PDZRN4: variants seen among roughly 807,000 people sequenced by gnomAD.
PDZRN4 encodes the protein PDZ domain-containing RING finger protein 4.
In PDZRN4, 70 loss-of-function variants were observed where a neutral mutation model predicts 99.0. The observed-to-expected ratio is 0.71, with a 90% CI of 0.58 to 0.86. PDZRN4 has a LOEUF of 0.86. Among genes scored for constraint, PDZRN4 ranks in the 40% least tolerant of loss-of-function variants. PDZRN4 has a pLI of 0.00. For missense variants in PDZRN4, 1,474 were observed against 1,331.2 expected (o/e 1.11, Z -1.67); for synonymous variants, 551 against 501.6 (o/e 1.10, Z -1.32).
At chr12:41,552,513 T>TAA (rs11301675) in intron 5 of PDZRN4, 143 bp from the exon 6 acceptor site, 128 of 402,602 alleles carry the variant, frequency 3.2e-4, no homozygotes, top group East Asian at 1.3e-3. Context: ...ATAATATTGG[T>TAA]AAAAAAAAAA....
At chr12:41,557,866 C>T (rs1939195509) in intron 7 of PDZRN4, among the ~76,000 whole-genome samples, 1 of 152,154 alleles carries the variant, frequency 6.6e-6, no homozygotes, top group African/African-American at 2.4e-5. Flanking sequence ...CTATCATACA[C>T]AGGGGAATGA....
intron 3 of PDZRN4, among the ~76,000 whole-genome samples, chr12:41,200,159 C>G (rs1292928538): frequency 2.0e-5 from 3 of 152,220 alleles, no homozygotes; most frequent in East Asian, 3.9e-4. Context: ...AGTAGGGTAA[C>G]AGTAGAATCT....
chr12:41,291,097 C>T (rs975741656), intron 3 of PDZRN4, among the ~76,000 whole-genome samples: 3 of 151,940 alleles, frequency 2.0e-5, no homozygotes, highest in African/African-American at 7.3e-5. Context: ...AAAACACTTT[C>T]AAGATGTCTG....
At chr12:41,439,473 A>C (rs1051623440) in intron 3 of PDZRN4, among the ~76,000 whole-genome samples, 2 of 152,184 alleles carry the variant, frequency 1.3e-5, no homozygotes, top group African/African-American at 4.8e-5. Context: ...TTTATATAAA[A>C]GTATAATATG....
intron 3 of PDZRN4, among the ~76,000 whole-genome samples, chr12:41,321,530 C>A (rs1055720584): frequency 6.6e-6 from 1 of 152,104 alleles, no homozygotes; most frequent in African/African-American, 2.4e-5. Flanking sequence ...AAAAACTAAC[C>A]CAATATTATT....
intron 3 of PDZRN4, among the ~76,000 whole-genome samples, chr12:41,374,979 C>T (rs1294855329): frequency 6.6e-6 from 1 of 152,188 alleles, no homozygotes; most frequent in Non-Finnish European, 1.5e-5. Context: ...CTTTCTCTCT[C>T]TCTCTCTTCA....
chr12:41,270,311 GGT>G (rs376382425), intron 3 of PDZRN4, among the ~76,000 whole-genome samples: 2 of 145,088 alleles, frequency 1.4e-5, no homozygotes, highest in African/African-American at 2.7e-5. Context: ...CTGTGTGTGT[GGT>G]GTGTGTGTGT....
At chr12:41,292,368 G>T (rs1020306904) in intron 3 of PDZRN4, among the ~76,000 whole-genome samples, 1 of 152,216 alleles carries the variant, frequency 6.6e-6, no homozygotes, top group South Asian at 2.1e-4. Context: ...GAGAGCACAT[G>T]TGTGCAGGAA....
chr12:41,393,862 G>A (rs1323655411), intron 3 of PDZRN4, among the ~76,000 whole-genome samples: 1 of 152,168 alleles, frequency 6.6e-6, no homozygotes, highest in Admixed American at 6.5e-5. Flanking sequence ...GGCTCAACTG[G>A]AACTGATAAC....
In PDZRN4 at chr12:41,492,193, T is replaced by A. The variant is rs1937900452; in HGVS notation, c.844-14263T>A. 5.9e-5 allele frequency among the ~76,000 whole-genome samples: 9 copies of A among 152,206 alleles called. No individual in the cohort carries two copies. In the South Asian group the frequency reaches 1.9e-3, roughly 31 times the overall value. ...TTTTTAAGTTTTACACATTAAAACA[T>A]CTGTAAAAAGTAAGGAAAACTTATC... On this transcript the variant is annotated intron_variant, in intron 3 of 9. Coordinates refer to ENST00000402685, the MANE Select transcript of PDZRN4 (RefSeq NM_001164595.2).
At chr12:41,363,249 A>AC (rs911726444) in intron 3 of PDZRN4, among the ~76,000 whole-genome samples, 1 of 152,094 alleles carries the variant, frequency 6.6e-6, no homozygotes, top group African/African-American at 2.4e-5. Flanking sequence ...TGTTTTTATT[A>AC]CCCCCTCATG....
At chr12:41,542,532 T>C (rs1398477153) in intron 5 of PDZRN4, among the ~76,000 whole-genome samples, 1 of 152,174 alleles carries the variant, frequency 6.6e-6, no homozygotes, top group African/African-American at 2.4e-5. Context: ...TCAGCATCTC[T>C]CTCCCATTCA....
intron 3 of PDZRN4, among the ~76,000 whole-genome samples, chr12:41,275,166 C>T (rs948882444): frequency 5.9e-5 from 9 of 152,036 alleles, no homozygotes; most frequent in South Asian, 2.1e-4. Context: ...ATATGCCTAA[C>T]GACAGTTATC....
intron 3 of PDZRN4, among the ~76,000 whole-genome samples, chr12:41,237,705 C>T (rs1951076315): frequency 1.3e-5 from 2 of 152,182 alleles, no homozygotes. Flanking sequence ...GCTCTCCCAG[C>T]ACCATTAATT....
intron 3 of PDZRN4, among the ~76,000 whole-genome samples, chr12:41,357,475 G>C (rs1459545896): frequency 6.6e-6 from 1 of 151,852 alleles, no homozygotes; most frequent in African/African-American, 2.4e-5. Context: ...AAATAACTTA[G>C]TACCTTCTAG....
chr12:41,346,873 G>A (rs901393795), intron 3 of PDZRN4, among the ~76,000 whole-genome samples: 8 of 151,890 alleles, frequency 5.3e-5, no homozygotes, highest in Non-Finnish European at 7.4e-5. Context: ...GCCTATTCTG[G>A]GCATTTCATA....
intron 3 of PDZRN4, among the ~76,000 whole-genome samples, chr12:41,480,616 A>G (rs1288612209): frequency 1.3e-5 from 2 of 152,194 alleles, no homozygotes; most frequent in Non-Finnish European, 2.9e-5. Context: ...CATATAAACA[A>G]ATCAACATTG....
intron 3 of PDZRN4, among the ~76,000 whole-genome samples, chr12:41,371,853 T>C (rs1174904252): frequency 1.3e-5 from 2 of 152,146 alleles, no homozygotes; most frequent in African/African-American, 4.8e-5. Flanking sequence ...ATGTGAGATA[T>C]GCCGTCAATG....
intron 3 of PDZRN4, among the ~76,000 whole-genome samples, chr12:41,350,543 A>G (rs1362389449): frequency 1.3e-5 from 2 of 152,146 alleles, no homozygotes; most frequent in Non-Finnish European, 2.9e-5. Flanking sequence ...AATGCAAACA[A>G]TGACAAAAAT....
Sources: allele counts gnomAD v4.1 joint callset (sites outside exome capture counted in the v4.1 genomes callset), GRCh38; gene constraint gnomAD v4.1.1; transcripts MANE v1.5; gene names NCBI Gene and HGNC (gene_info 2026-07-23, HGNC 2026-07-21).